SNX24: variants seen among roughly 807,000 people sequenced by gnomAD.
SNX24 encodes the protein sorting nexin 24, also known as sorting nexin-24.
SNX24 carries 22 observed loss-of-function variants against 28.7 expected under a neutral mutation model. That is an observed-to-expected ratio of 0.77 (90% CI 0.55 to 1.10). The LOEUF (loss-of-function observed/expected upper bound fraction) is 1.10, where lower values mean the gene tolerates loss of function less well. Ranked by LOEUF, SNX24 falls within the 50% of genes least tolerant of loss-of-function variation. The probability of loss-of-function intolerance (pLI) is 0.00; values close to 1 mark genes in which losing one functional copy is unlikely to be tolerated. For synonymous variants in SNX24, 69 were observed against 71.5 expected (o/e 0.96, Z 0.18); for missense variants, 221 against 201.1 (o/e 1.10, Z -0.60).
chr5:123,004,433 C>G (rs1762352857), intron 6 of SNX24, among the ~76,000 whole-genome samples: 1 of 152,194 alleles, frequency 6.6e-6, no homozygotes, highest in Non-Finnish European at 1.5e-5. Flanking sequence ...CTCCTTCAAA[C>G]AGTGTCTCCC....
downstream of SNX24, among the ~76,000 whole-genome samples, chr5:123,013,588 G>A (rs776376069): frequency 1.3e-5 from 2 of 152,168 alleles, no homozygotes; most frequent in Non-Finnish European, 2.9e-5. Context: ...TGACGGGAAG[G>A]AGGGCATATT....
At chr5:122,951,965 C>A (rs944528435) in intron 3 of SNX24, among the ~76,000 whole-genome samples, 1 of 152,222 alleles carries the variant, frequency 6.6e-6, no homozygotes, top group Non-Finnish European at 1.5e-5. Flanking sequence ...AAATTTGAAA[C>A]CTTGAGTGCT....
At chr5:123,025,770 AT>A (rs764165098) in intron 5 of SNX24, 2 of 1,607,934 alleles carry the variant, frequency 1.2e-6, no homozygotes, top group Non-Finnish European at 8.5e-7. Flanking sequence ...AAGGAAAAAA[AT>A]GTATCAATTT....
At chr5:122,989,266 G>A (rs1761732132) in intron 3 of SNX24, among the ~76,000 whole-genome samples, 2 of 152,154 alleles carry the variant, frequency 1.3e-5, no homozygotes, top group African/African-American at 4.8e-5. Context: ...TTGGCTCACT[G>A]GCTCAAGATT....
At chr5:123,004,498 G>T (rs1762354892) in intron 6 of SNX24, among the ~76,000 whole-genome samples, 1 of 152,096 alleles carries the variant, frequency 6.6e-6, no homozygotes, top group Non-Finnish European at 1.5e-5. Context: ...TGCTGTCATA[G>T]ACCCTCTCCT....
At chr5:122,930,569 C>G (rs1458512362) in intron 1 of SNX24, among the ~76,000 whole-genome samples, 2 of 152,030 alleles carry the variant, frequency 1.3e-5, no homozygotes, top group Non-Finnish European at 2.9e-5. Context: ...GTGTGGACAT[C>G]CTTGTCTTGT....
chr5:122,986,115 T>C (rs1761593743), intron 3 of SNX24, among the ~76,000 whole-genome samples: 1 of 152,126 alleles, frequency 6.6e-6, no homozygotes, highest in Non-Finnish European at 1.5e-5. Flanking sequence ...GTGGCTATCA[T>C]TGGCAGAGAT....
intron 1 of SNX24, among the ~76,000 whole-genome samples, chr5:122,885,966 A>G (rs1431218180): frequency 6.7e-6 from 1 of 150,088 alleles, no homozygotes; most frequent in Non-Finnish European, 1.5e-5. Context: ...ATGAGAATCT[A>G]ATGCCCCCGC....
intron 5 of SNX24, chr5:123,023,851 T>C (rs760961856): frequency 1.3e-6 from 2 of 1,554,732 alleles, no homozygotes; most frequent in Admixed American, 3.5e-5. Flanking sequence ...TGCCAAAGCA[T>C]ATCCTTGTTT....
At chr5:122,904,585 G>A (rs1340924853) in intron 1 of SNX24, among the ~76,000 whole-genome samples, 1 of 151,908 alleles carries the variant, frequency 6.6e-6, no homozygotes, top group East Asian at 1.9e-4. Flanking sequence ...CTACAAATCT[G>A]TAATTACATG....
intron 3 of SNX24, among the ~76,000 whole-genome samples, chr5:122,956,359 A>ATAT (rs202050196): frequency 1.7e-5 from 2 of 117,010 alleles, no homozygotes; most frequent in African/African-American, 3.4e-5. Context: ...TGGGAAAAAA[A>ATAT]AAATATATAC....
At chr5:122,863,878 G>C (rs1047652849) in intron 1 of SNX24, among the ~76,000 whole-genome samples, 3 of 151,852 alleles carry the variant, frequency 2.0e-5, no homozygotes, top group Non-Finnish European at 4.4e-5. Flanking sequence ...ACTTTGGGAA[G>C]TAGGAGGCAG....
At chr5:123,001,519 G>A (rs1057310245) in intron 5 of SNX24, 82 bp downstream of exon 5, 1 of 1,024,994 alleles carries the variant, frequency 9.8e-7, no homozygotes, top group African/African-American at 1.6e-5. Context: ...TTCAAGTTAT[G>A]TTTTTCTTAA....
At chr5:122,870,882 G>A (rs1295044175) in intron 1 of SNX24, among the ~76,000 whole-genome samples, 2 of 152,186 alleles carry the variant, frequency 1.3e-5, no homozygotes, top group Admixed American at 6.5e-5. Context: ...CAGCAAAGGA[G>A]GGTTTGGGCT....
chr5:122,963,427 A>G (rs1421326848), intron 3 of SNX24, among the ~76,000 whole-genome samples: 2 of 152,162 alleles, frequency 1.3e-5, no homozygotes, highest in Admixed American at 6.5e-5. Flanking sequence ...ATGGACAGAA[A>G]GACCACATAT....
chr5:122,847,502 C>CTCTTTTTTTTT (rs1554065805), intron 1 of SNX24, among the ~76,000 whole-genome samples: 10 of 130,796 alleles, frequency 7.6e-5, no homozygotes, highest in Admixed American at 3.2e-4. Context: ...CTCTCTCTCT[C>CTCTTTTTTTTT]TTTTTTTTTT....
chr5:122,877,706 C>A (rs1341437295), intron 1 of SNX24, among the ~76,000 whole-genome samples: 1 of 152,172 alleles, frequency 6.6e-6, no homozygotes, highest in Non-Finnish European at 1.5e-5. Flanking sequence ...CCATCCCCTA[C>A]CCGAAGTTGG....
At chr5:122,900,939 G>A (rs1035782920) in intron 1 of SNX24, among the ~76,000 whole-genome samples, 4 of 152,126 alleles carry the variant, frequency 2.6e-5, no homozygotes, top group East Asian at 1.9e-4. Context: ...GGTGGCTCGT[G>A]CCTGTAATCC....
intron 2 of SNX24, among the ~76,000 whole-genome samples, chr5:122,944,474 A>G (rs1759595089): frequency 6.6e-6 from 1 of 152,214 alleles, no homozygotes; most frequent in Non-Finnish European, 1.5e-5. Context: ...ATATTGGCTA[A>G]GCAGCTAGCA....
Sources: gnomAD v4.1 joint callset for allele counts (sites outside exome capture counted in the v4.1 genomes callset) on GRCh38, gnomAD v4.1.1 for gene constraint, MANE v1.5 for transcripts, NCBI Gene and HGNC (gene_info 2026-07-23, HGNC 2026-07-21) for gene names.